Variants in SMPD3 observed in about 807,000 individuals in gnomAD.
SMPD3 encodes sphingomyelin phosphodiesterase 3.
SMPD3 carries 21 observed loss-of-function variants against 55.7 expected under a neutral mutation model. The ratio of observed to expected loss-of-function variants is 0.38; its 90% confidence interval spans 0.27 to 0.54. The LOEUF (loss-of-function observed/expected upper bound fraction) is 0.54, where lower values mean the gene tolerates loss of function less well. Among genes scored for constraint, SMPD3 ranks in the 20% least tolerant of loss-of-function variants. The pLI is 0.80. For synonymous variants in SMPD3, 457 were observed against 404.3 expected, an observed-to-expected ratio of 1.13 and a Z score of -1.56; for missense variants, 842 against 899.6, an observed-to-expected ratio of 0.94 and a Z score of 0.82.
intron 1 of SMPD3, among the ~76,000 whole-genome samples, chr16:68,422,600 C>G (rs1434418012): frequency 6.6e-6 from 1 of 152,118 alleles, no homozygotes; most frequent in Non-Finnish European, 1.5e-5. Context: ...ATTCCACCTC[C>G]CACTGAGGGG....
intron 7 of SMPD3, among the ~76,000 whole-genome samples, chr16:68,361,979 G>A (rs2089297233): frequency 6.6e-6 from 1 of 152,188 alleles, no homozygotes; most frequent in African/African-American, 2.4e-5. Flanking sequence ...TCCGGAGCCC[G>A]TCGAAGTGTT....
intron 1 of SMPD3, among the ~76,000 whole-genome samples, chr16:68,424,771 C>G (rs1313420561): frequency 6.6e-6 from 1 of 152,184 alleles, no homozygotes; most frequent in Non-Finnish European, 1.5e-5. Context: ...AGTGCAGTGG[C>G]ATGATCTCAG....
At chr16:68,443,804 A>C (rs2152036257) in intron 1 of SMPD3, among the ~76,000 whole-genome samples, 1 of 152,354 alleles carries the variant, frequency 6.6e-6, no homozygotes, top group South Asian at 2.1e-4. Flanking sequence ...ATAATCCAAT[A>C]GTTCAGTTTT....
intron 1 of SMPD3, among the ~76,000 whole-genome samples, chr16:68,427,682 AT>A (rs1366239178): frequency 1.3e-5 from 2 of 151,940 alleles, no homozygotes; most frequent in Non-Finnish European, 2.9e-5. Flanking sequence ...CAACAAGATG[AT>A]TCTGGGTTGA....
At chr16:68,410,079 G>T (rs1238701762) in intron 1 of SMPD3, among the ~76,000 whole-genome samples, 1 of 152,256 alleles carries the variant, frequency 6.6e-6, no homozygotes, top group Non-Finnish European at 1.5e-5. Flanking sequence ...TGTCCCGAGG[G>T]CTGTAAGAAT....
At chr16:68,399,402 C>T (rs896938885) in intron 1 of SMPD3, among the ~76,000 whole-genome samples, 2 of 152,200 alleles carry the variant, frequency 1.3e-5, no homozygotes, top group African/African-American at 4.8e-5. Context: ...CACTGTGCTT[C>T]GTTTATGAAT....
intron 1 of SMPD3, among the ~76,000 whole-genome samples, chr16:68,433,019 G>A (rs1247782177): frequency 1.3e-5 from 2 of 152,118 alleles, no homozygotes; most frequent in Non-Finnish European, 1.5e-5. Flanking sequence ...GCCCAGGTTG[G>A]TCTTGAACTC....
chr16:68,442,502 G>C (rs2090574575), intron 1 of SMPD3, among the ~76,000 whole-genome samples: 1 of 152,202 alleles, frequency 6.6e-6, no homozygotes, highest in Non-Finnish European at 1.5e-5. Flanking sequence ...AATGTCTGTT[G>C]AATGAATGGA....
chr16:68,437,722 C>T (rs2090534221), intron 1 of SMPD3, among the ~76,000 whole-genome samples: 1 of 152,190 alleles, frequency 6.6e-6, no homozygotes, highest in Admixed American at 6.5e-5. Flanking sequence ...GCAGGTGCCT[C>T]TTGGAAGAAG....
At chr16:68,425,720 G>T (rs1012854407) in intron 1 of SMPD3, among the ~76,000 whole-genome samples, 1 of 152,152 alleles carries the variant, frequency 6.6e-6, no homozygotes, top group African/African-American at 2.4e-5. Flanking sequence ...AGGCTGGGAG[G>T]GTGGTGGGAT....
chr16:68,419,743 G>T (rs1567806409), intron 1 of SMPD3, among the ~76,000 whole-genome samples: 1 of 152,162 alleles, frequency 6.6e-6, no homozygotes, highest in Non-Finnish European at 1.5e-5. Flanking sequence ...TGATGATGAT[G>T]AAGATGACAA....
intron 2 of SMPD3, among the ~76,000 whole-genome samples, chr16:68,373,915 C>T (rs552561234): frequency 5.9e-5 from 9 of 152,200 alleles, no homozygotes; most frequent in Admixed American, 1.3e-4. Context: ...CCTCGCCTCG[C>T]TCACCCTTTC....
chr16:68,370,816 A>T, intron 3 of SMPD3, 43 bp downstream of exon 3: 1 of 1,605,930 alleles, frequency 6.2e-7, no homozygotes, highest in Non-Finnish European at 8.5e-7. Context: ...TGGCTCTAGG[A>T]CCAGCTGGCA....
At chr16:68,390,759 C>G (rs1258929446) in intron 1 of SMPD3, among the ~76,000 whole-genome samples, 1 of 152,192 alleles carries the variant, frequency 6.6e-6, no homozygotes, top group Non-Finnish European at 1.5e-5. Flanking sequence ...GATGGAGTTG[C>G]CCGGTTCAAA....
chr16:68,378,971 A>C (rs1192728129), intron 2 of SMPD3, among the ~76,000 whole-genome samples: 1 of 152,250 alleles, frequency 6.6e-6, no homozygotes, highest in Non-Finnish European at 1.5e-5. Context: ...AAGCCAGCAC[A>C]ACCCACAGAC....
intron 2 of SMPD3, among the ~76,000 whole-genome samples, chr16:68,377,915 C>T (rs1220848669): frequency 6.6e-6 from 1 of 152,230 alleles, no homozygotes; most frequent in East Asian, 1.9e-4. Context: ...GTGAGGAAGC[C>T]TACAGCATTT....
At chr16:68,429,572 C>T (rs937563688) in intron 1 of SMPD3, among the ~76,000 whole-genome samples, 1 of 152,196 alleles carries the variant, frequency 6.6e-6, no homozygotes, top group African/African-American at 2.4e-5. Context: ...GCAGTGGGCA[C>T]CACAGGCCCT....
chr16:68,431,018 G>A (rs989903502), intron 1 of SMPD3, among the ~76,000 whole-genome samples: 1 of 152,168 alleles, frequency 6.6e-6, no homozygotes, highest in African/African-American at 2.4e-5. Context: ...AGGGAGTGGG[G>A]ACAGAATTCA....
At chr16:68,378,181 C>T (rs2151992943) in intron 2 of SMPD3, among the ~76,000 whole-genome samples, 1 of 152,332 alleles carries the variant, frequency 6.6e-6, no homozygotes, top group East Asian at 1.9e-4. Context: ...CAGGAAAAGC[C>T]ACGTGGATTG....
Sources: gnomAD v4.1 joint callset for allele counts (sites outside exome capture counted in the v4.1 genomes callset) on GRCh38, gnomAD v4.1.1 for gene constraint, MANE v1.5 for transcripts, NCBI Gene and HGNC (gene_info 2026-07-23, HGNC 2026-07-21) for gene names.